The following GRID1 variants were observed in gnomAD, a reference collection of about 807,000 sequenced individuals.
The protein encoded by GRID1 is glutamate ionotropic receptor delta type subunit 1.
In GRID1, 28 loss-of-function variants were observed where a neutral mutation model predicts 98.0. The ratio of observed to expected loss-of-function variants is 0.29; its 90% CI spans 0.21 to 0.39. GRID1 has a LOEUF of 0.39. GRID1 is among the 10% of genes least tolerant of loss of function. GRID1 has a pLI of 1.00. For missense variants in GRID1, 1,111 were observed against 1,340.5 expected (o/e 0.83, Z 2.67); for synonymous variants, 553 against 538.5 (o/e 1.03, Z -0.37).
intron 2 of GRID1, among the ~76,000 whole-genome samples, chr10:86,281,727 GT>G (rs1000338486): frequency 2.0e-5 from 3 of 152,104 alleles, no homozygotes; most frequent in Non-Finnish European, 4.4e-5. Flanking sequence ...AGCTGGGGAG[GT>G]TTTTTAAAAT....
At position 86,366,554 on chromosome 10, in the gene GRID1, G is replaced by C. The variant is rs1564750523; in HGVS notation, c.-162C>G. 1 of 291,452 alleles carries C rather than the reference G, an allele frequency of 3.4e-6. No homozygotes were observed. The highest frequency in any genetic ancestry group is 6.1e-6 in the Non-Finnish European group (1 of 164,550). The allele number at this position is 291,452 out of a possible 1,614,324, so 18.1% of individuals were successfully genotyped here. On this transcript the variant is annotated 5_prime_UTR_variant, in exon 1 of 16. Transcript: ENST00000327946. This position sits in a 1 kb window ranked among gnomAD's most constrained non-coding sequence, Gnocchi z 4.1. Reference sequence around the variant, plus strand: ...GCGCCCGCCCCTGCGCCCTGCGCCCGCCCCAGCCCAGCCCAGCCCAGCCCA... The same window carrying C: ...GCGCCCGCCCCTGCGCCCTGCGCCCCCCCCAGCCCAGCCCAGCCCAGCCCA...
intron 4 of GRID1, among the ~76,000 whole-genome samples, chr10:86,132,925 A>G (rs1471163980): frequency 6.6e-6 from 1 of 152,162 alleles, no homozygotes; most frequent in Non-Finnish European, 1.5e-5. Context: ...TCCTTAACCT[A>G]ACTCCATCCA....
chr10:85,755,548 A>C (rs2069112773), intron 8 of GRID1, among the ~76,000 whole-genome samples: 1 of 152,202 alleles, frequency 6.6e-6, no homozygotes, highest in Admixed American at 6.5e-5. Context: ...CCCAGAGTAA[A>C]GCAAAGGACT....
intron 2 of GRID1, among the ~76,000 whole-genome samples, chr10:86,270,681 C>T (rs182417593): frequency 1.5e-3 from 222 of 152,150 alleles, no homozygotes; most frequent in African/African-American, 4.8e-3. Context: ...TAGAGCGAGA[C>T]TCCGTCTCAA....
At chr10:86,145,323 A>G (rs1343796162) in intron 3 of GRID1, among the ~76,000 whole-genome samples, 1 of 152,154 alleles carries the variant, frequency 6.6e-6, no homozygotes, top group Non-Finnish European at 1.5e-5. Flanking sequence ...CCCAGGTTCA[A>G]GTGATTCTCT....
chr10:86,013,280 C>G (rs1232347533), intron 4 of GRID1, among the ~76,000 whole-genome samples: 1 of 152,086 alleles, frequency 6.6e-6, no homozygotes, highest in Non-Finnish European at 1.5e-5. Flanking sequence ...AAAATAACAA[C>G]AAAAAAACAT....
chr10:85,701,231 A>T (rs1358105078), intron 12 of GRID1, among the ~76,000 whole-genome samples: 2 of 152,196 alleles, frequency 1.3e-5, no homozygotes, highest in Non-Finnish European at 2.9e-5. Context: ...TTATATTTAC[A>T]GAGACAAAGT....
rs531540153 is a variant in GRID1, at chr10:86,172,774, TA to T, written c.520+33589del. Among the ~76,000 whole-genome samples, 363 of 152,272 alleles carry T rather than the reference TA, an allele frequency of 2.4e-3. 8 individuals are homozygous for T. The highest frequency in any genetic ancestry group is 7.1e-4 in the Non-Finnish European group (48 of 68,026). On this transcript the variant is annotated intron_variant, in intron 3 of 15. Transcript: ENST00000327946. ...TAATATTCCAGAAAAGTTAAGGCCG[TA>T]AAACCTAAAATAAAAAGCACACAAG...
rs74725834 is a variant in GRID1 at position 86,143,680 on chromosome 10, G to A, written c.521-4656C>T. On this transcript the variant is annotated intron_variant, in intron 3 of 15. Transcript: ENST00000327946. Reference sequence around the variant, plus strand: ...GCTGACTGAGGCCTTGTCAGGCCTCGCATCAACCTGATCCAGAAAGGGCAT... The same window carrying A: ...GCTGACTGAGGCCTTGTCAGGCCTCACATCAACCTGATCCAGAAAGGGCAT... Among the ~76,000 whole-genome samples the A allele has an allele frequency of 3.7e-3, 560 of 152,232 alleles. 2 individuals carry two copies. The highest frequency in any genetic ancestry group is 0.013 in the African/African-American group (537 of 41,520).
chr10:85,790,791 A>G (rs1842471303), intron 8 of GRID1, among the ~76,000 whole-genome samples: 1 of 152,126 alleles, frequency 6.6e-6, no homozygotes, highest in Non-Finnish European at 1.5e-5. Context: ...CCGGCTTCTC[A>G]ACCACCCGCT....
intron 5 of GRID1, among the ~76,000 whole-genome samples, chr10:85,897,714 A>C (rs1429295888): frequency 6.6e-6 from 1 of 152,192 alleles, no homozygotes; most frequent in African/African-American, 2.4e-5. Context: ...TAATTGATCC[A>C]TTATCAATTT....
At chr10:85,670,368 C>CT (rs1295575992) in intron 12 of GRID1, among the ~76,000 whole-genome samples, 3 of 152,174 alleles carry the variant, frequency 2.0e-5, no homozygotes, top group African/African-American at 7.2e-5. Flanking sequence ...TGCCTGCCCC[C>CT]TGAATGGGAT....
intron 8 of GRID1, among the ~76,000 whole-genome samples, chr10:85,826,238 G>C (rs1292115914): frequency 6.6e-6 from 1 of 152,184 alleles, no homozygotes; most frequent in African/African-American, 2.4e-5. Flanking sequence ...GGGAGGCTAA[G>C]GCAGGAGAAT....
rs537985932 is a variant in GRID1 at position 85,696,215 on chromosome 10, G to C, written c.1997+26788C>G. Among the ~76,000 whole-genome samples the C allele has an allele frequency of 3.9e-5, 6 of 152,150 alleles. No homozygotes were observed. The East Asian group carries it at 1.2e-3, about 29-fold the overall frequency. On this transcript the variant is annotated intron_variant, in intron 12 of 15. Coordinates refer to ENST00000327946, the MANE Select transcript of GRID1 (RefSeq NM_017551.3). ...CATGGATTTTATTGCCTATAGATAT[G>C]AGTGCATGTTAAACAAAAGTAAGCA...
chr10:85,746,004 G>A (rs1399860092), intron 8 of GRID1, among the ~76,000 whole-genome samples: 2 of 152,168 alleles, frequency 1.3e-5, no homozygotes, highest in African/African-American at 4.8e-5. Context: ...AATTGGTATT[G>A]ACCAGTGATC....
At chr10:85,781,148 T>A (rs530954741) in intron 8 of GRID1, among the ~76,000 whole-genome samples, 2 of 152,324 alleles carry the variant, frequency 1.3e-5, no homozygotes, top group East Asian at 3.9e-4. Flanking sequence ...AAGTAGGTGC[T>A]TCTAGGATTA....
intron 2 of GRID1, among the ~76,000 whole-genome samples, chr10:86,252,122 C>G (rs554374672): frequency 6.6e-6 from 1 of 152,338 alleles, no homozygotes; most frequent in East Asian, 1.9e-4. Flanking sequence ...CCAGGTCCAG[C>G]TGACCCACGG....
chr10:86,247,259 A>ATAGATG (rs144925178), intron 2 of GRID1, among the ~76,000 whole-genome samples: 2 of 139,658 alleles, frequency 1.4e-5, no homozygotes, highest in African/African-American at 2.7e-5. Context: ...ATGGATGGAT[A>ATAGATG]GATGGATGGA....
chr10:86,210,350 T>C (rs2492735), intron 2 of GRID1, among the ~76,000 whole-genome samples: 52,560 of 152,068 alleles, frequency 0.35, 9,229 homozygotes, highest in East Asian at 0.49. Context: ...CTCCGGTCAG[T>C]AGCCACACAG....
Sources: allele counts gnomAD v4.1 joint callset (sites outside exome capture counted in the v4.1 genomes callset), GRCh38; gene constraint gnomAD v4.1.1; non-coding constraint Gnocchi (gnomAD v3.1); transcripts MANE v1.5; gene names NCBI Gene and HGNC (gene_info 2026-07-23, HGNC 2026-07-21).